Variants in PRPSAP1 observed in about 807,000 individuals in gnomAD.
PRPSAP1 encodes the protein phosphoribosyl pyrophosphate synthetase associated protein 1.
Under a neutral mutation model 39.4 loss-of-function variants are expected in PRPSAP1, and 31 were observed. That is an observed-to-expected ratio of 0.79 (90% CI 0.59 to 1.06). PRPSAP1 has a LOEUF of 1.06. PRPSAP1 is among the 50% of genes least tolerant of loss of function. The pLI, the probability that PRPSAP1 is intolerant of heterozygous loss-of-function variation, is 0.00. For missense variants in PRPSAP1, 430 were observed against 511.6 expected, an observed-to-expected ratio of 0.84 and a Z score of 1.54; for synonymous variants, 212 against 192.6, an observed-to-expected ratio of 1.10 and a Z score of -0.83.
intron 3 of PRPSAP1, among the ~76,000 whole-genome samples, chr17:76,342,519 C>T (rs569172307): frequency 7.2e-5 from 11 of 151,940 alleles, no homozygotes; most frequent in Admixed American, 4.6e-4. Context: ...AGTTCAAGAC[C>T]AGCCTGGGCA....
chr17:76,313,002 G>A lies in PRPSAP1; in HGVS notation c.867C>T (p.Asp289=), dbSNP rs148092431. ...CGGCAGCAACAAAACTCTCCACATC[G>A]TCAATAATGTCATCCTGGGAGGAGA... ...RIAIIVDDII[D]DVESFVAAAE... The change falls in exon 9 of 10, where the codon GAC becomes GAT. Residue 289 remains aspartate, a synonymous_variant. Transcript: ENST00000446526. 4.8e-5 allele frequency: 77 copies of A among 1,613,402 alleles called. No homozygotes were observed. In the East Asian group the frequency reaches 9.1e-4, roughly 19 times the overall value.
rs964321074 is a variant in PRPSAP1 at position 76,314,095 on chromosome 17, G to T, written c.782-204C>A. The T allele has an allele frequency of 8.7e-6, 5 of 572,318 alleles. No individual in the cohort carries two copies. The African/African-American group carries it at 9.4e-5, about 11-fold the overall frequency. The allele number at this position is 572,318 out of a possible 1,614,324, so 35.5% of individuals were successfully genotyped here. A position where few individuals can be genotyped will look rare whatever the true frequency, so the allele number is the denominator to read the frequency against. On this transcript the variant is annotated intron_variant, in intron 7 of 9. Coordinates refer to ENST00000446526, the MANE Select transcript of PRPSAP1 (RefSeq NM_002766.3). The stretch of plus-strand genomic sequence containing the variant: ...AAGAAATAGAAGGCATGCCATACAT[G>T]TTACTTTGAATTTTCTAGTAGCCAC...
At chr17:76,343,612 A>G (rs2071463425) in intron 3 of PRPSAP1, among the ~76,000 whole-genome samples, 1 of 152,168 alleles carries the variant, frequency 6.6e-6, no homozygotes, top group Non-Finnish European at 1.5e-5. Context: ...AGGTGCATGG[A>G]TCACTTGAGG....
At chr17:76,313,279 C>A in intron 8 of PRPSAP1, 1 of 355,356 alleles carries the variant, frequency 2.8e-6, no homozygotes. Context: ...CACTCATTTT[C>A]CTGTCTCACG....
rs144311788 is a variant in PRPSAP1, at chr17:76,311,650, G to A, written c.1050C>T (p.Pro350=). Residue 350 remains proline (P), a synonymous_variant, in exon 10 of 10, where the codon CCC becomes CCT. Coordinates refer to ENST00000446526, the MANE Select transcript of PRPSAP1 (RefSeq NM_002766.3). ...AACTGATATCCACAGTCTTTATCTT[G>A]GGACATTGCAGCTTCTGAACCTCAT... is the stretch of plus-strand genomic sequence containing the variant. ...VPHEVQKLQC[P]KIKTVDISLI... The A allele has an allele frequency of 1.2e-6, 2 of 1,613,958 alleles. No individual in the cohort carries two copies. The highest frequency in any genetic ancestry group is 1.1e-5 in the South Asian group (1 of 91,084).
At chr17:76,337,107 G>A (rs1300159276) in intron 3 of PRPSAP1, among the ~76,000 whole-genome samples, 1 of 151,978 alleles carries the variant, frequency 6.6e-6, no homozygotes, top group East Asian at 1.9e-4. Context: ...TTTAAATAGA[G>A]AAAGGTCTCA....
intron 2 of PRPSAP1, 66 bp downstream of exon 2, chr17:76,348,463 G>C: frequency 9.7e-7 from 1 of 1,028,162 alleles, no homozygotes; most frequent in Non-Finnish European, 1.3e-6. Context: ...ACAGAGTGAG[G>C]CTCTGTCTCA....
intron 7 of PRPSAP1, among the ~76,000 whole-genome samples, chr17:76,319,750 G>GC (rs2071168894): frequency 6.6e-6 from 1 of 152,038 alleles, no homozygotes; most frequent in South Asian, 2.1e-4. Flanking sequence ...ACCGTGCCTG[G>GC]CCTGACTGAT....
chr17:76,339,207 C>T (rs891547204), intron 3 of PRPSAP1, among the ~76,000 whole-genome samples: 4 of 151,630 alleles, frequency 2.6e-5, no homozygotes, highest in African/African-American at 7.3e-5. Context: ...GAGTTTGAGA[C>T]CATTCTGGTC....
intron 3 of PRPSAP1, among the ~76,000 whole-genome samples, chr17:76,342,857 C>T (rs1301449583): frequency 6.6e-6 from 1 of 152,088 alleles, no homozygotes; most frequent in Non-Finnish European, 1.5e-5. Flanking sequence ...GCAGGCGGAT[C>T]ACTTGAGGCC....
At chr17:76,349,229 G>C (rs567570447) in intron 1 of PRPSAP1, among the ~76,000 whole-genome samples, 1 of 151,586 alleles carries the variant, frequency 6.6e-6, no homozygotes, top group Non-Finnish European at 1.5e-5. Context: ...GCTTGAACCC[G>C]GGAGGCGGAG....
intron 3 of PRPSAP1, among the ~76,000 whole-genome samples, chr17:76,336,735 A>C: frequency 7.3e-5 from 1 of 13,648 alleles, no homozygotes; most frequent in Admixed American, 7.6e-4. Context: ...TCCATCTCAA[A>C]AAAAAAAAAA....
At chr17:76,341,570 CAT>C (rs1397405669) in intron 3 of PRPSAP1, among the ~76,000 whole-genome samples, 1 of 152,170 alleles carries the variant, frequency 6.6e-6, no homozygotes, top group Non-Finnish European at 1.5e-5. Flanking sequence ...TAACTCTTTA[CAT>C]GACAAATTCT....
chr17:76,319,616 C>G (rs574672088), intron 7 of PRPSAP1: 4 of 151,946 alleles, frequency 2.6e-5, no homozygotes, highest in Non-Finnish European at 4.4e-5. Flanking sequence ...TTACAGGTGC[C>G]CGCCACCATG....
At chr17:76,340,936 T>C (rs2071430347) in intron 3 of PRPSAP1, among the ~76,000 whole-genome samples, 1 of 149,968 alleles carries the variant, frequency 6.7e-6, no homozygotes, top group East Asian at 1.9e-4. Context: ...AGGGGGGGAC[T>C]GTCTTTCACA....
chr17:76,330,965 A>T (rs998822862), intron 4 of PRPSAP1, among the ~76,000 whole-genome samples: 1 of 152,226 alleles, frequency 6.6e-6, no homozygotes, highest in African/African-American at 2.4e-5. Context: ...TGAATATGGA[A>T]TTAATACCGA....
At chr17:76,326,379 G>A (rs1448986906) in intron 7 of PRPSAP1, among the ~76,000 whole-genome samples, 1 of 148,846 alleles carries the variant, frequency 6.7e-6, no homozygotes, top group Non-Finnish European at 1.5e-5. Context: ...TTAACATGAG[G>A]TAGTATTAAT....
intron 7 of PRPSAP1, among the ~76,000 whole-genome samples, chr17:76,322,857 G>A (rs1322827003): frequency 2.0e-5 from 3 of 151,892 alleles, no homozygotes; most frequent in Admixed American, 6.6e-5. Flanking sequence ...GTGGTGGCAC[G>A]TACCTGTGGT....
intron 7 of PRPSAP1, among the ~76,000 whole-genome samples, chr17:76,319,820 G>T (rs139379390): frequency 0.015 from 2,257 of 152,176 alleles, 33 homozygotes; most frequent in Middle Eastern, 0.031. Flanking sequence ...TGGAGAAATG[G>T]CCAAGTACAG....
Sources: allele counts gnomAD v4.1 joint callset (sites outside exome capture counted in the v4.1 genomes callset), GRCh38; gene constraint gnomAD v4.1.1; transcripts MANE v1.5; gene names NCBI Gene and HGNC (gene_info 2026-07-23, HGNC 2026-07-21).